Variants in SLC8A3 observed in about 807,000 individuals in gnomAD.
The protein encoded by SLC8A3 is sodium/calcium exchanger 3.
A neutral mutation model predicts 65.4 loss-of-function variants in SLC8A3; 37 were observed. The ratio of observed to expected loss-of-function variants is 0.57; its 90% CI spans 0.44 to 0.74. SLC8A3 has a LOEUF of 0.74. Among genes scored for constraint, SLC8A3 ranks in the 30% least tolerant of loss-of-function variants. The pLI, the probability that SLC8A3 is intolerant of heterozygous loss-of-function variation, is 0.00. For missense variants in SLC8A3, 1,112 were observed against 1,172.1 expected (o/e 0.95, Z 0.75); for synonymous variants, 461 against 444.5 (o/e 1.04, Z -0.47).
In SLC8A3 at chr14:70,046,390, A is replaced by G. The variant is rs1355264496; in HGVS notation, c.2390-67T>C. 6.7e-7 allele frequency: 1 copy of G among 1,496,548 alleles called. No homozygotes were observed. The highest frequency in any genetic ancestry group is 2.3e-5 in the East Asian group (1 of 43,848). 92.7% of individuals were successfully genotyped at this position (1,496,548 alleles called of 1,614,324 possible). On this transcript the variant is annotated intron_variant, in intron 6 of 6. Transcript: ENST00000356921. The surrounding 1 kb of genome is among the most constrained non-coding windows in gnomAD (Gnocchi z 4.2). ...AGGTGTGCAGGGCTTGTCTTCCAGT[A>G]TGCCCAAAAAGCAGCTTGAGCTGGT...
chr14:70,123,782 A>G (rs1341235180), intron 2 of SLC8A3, among the ~76,000 whole-genome samples: 1 of 152,178 alleles, frequency 6.6e-6, no homozygotes, highest in Non-Finnish European at 1.5e-5. Flanking sequence ...GAAATAAGAT[A>G]AAATATTTTA....
In SLC8A3 at chr14:70,166,806, A is replaced by G; in HGVS notation, c.1617T>C (p.Ile539=). ...AGIFTFECDT[I]HVSESIGVME... ...TAACACCAATACTCTCACTGACATG[A>G]ATAGTATCACATTCAAAAGTGAAGA... The change falls in exon 2 of 7, where the codon ATT becomes ATC. Residue 539 remains isoleucine (I), a synonymous_variant. Transcript: ENST00000356921. The G allele has an allele frequency of 1.2e-6, 2 of 1,614,142 alleles. No homozygotes were observed. The highest frequency in any genetic ancestry group is 1.3e-5 in the African/African-American group (1 of 75,048).
intron 2 of SLC8A3, among the ~76,000 whole-genome samples, chr14:70,096,087 G>T (rs1016378074): frequency 1.3e-5 from 2 of 152,140 alleles, no homozygotes; most frequent in African/African-American, 4.8e-5. Flanking sequence ...TCACCATGTT[G>T]GTCAGGCTGG....
chr14:70,167,325 G>C lies in SLC8A3; in HGVS notation c.1098C>G (p.Gly366=), dbSNP rs758059256. ...CTGCTGCATGTTTCTTCAGGATATTGCCTGCACCAGTCATCATACGAGTGG... is the reference window on the plus strand; with the variant it reads ...CTGCTGCATGTTTCTTCAGGATATTCCCTGCACCAGTCATCATACGAGTGG... The part of the protein sequence containing the change: ...IQATRMMTGA[G]NILKKHAAEQ... Residue 366 remains glycine (G), a synonymous_variant, in exon 2 of 7, where the codon GGC becomes GGG. Transcript: ENST00000356921. 1.2e-6 allele frequency: 2 copies of C among 1,614,174 alleles called. No individual in the cohort carries two copies. The highest frequency in any genetic ancestry group is 4.5e-5 in the East Asian group (2 of 44,878).
chr14:70,189,281 G>A (rs1594844653), upstream of SLC8A3, among the ~76,000 whole-genome samples: 1 of 152,170 alleles, frequency 6.6e-6, no homozygotes, highest in East Asian at 1.9e-4. Context: ...CCGGCCGGCA[G>A]CACGTCAAAA....
At chr14:70,162,320 A>G (rs1448304245) in intron 2 of SLC8A3, among the ~76,000 whole-genome samples, 1 of 152,142 alleles carries the variant, frequency 6.6e-6, no homozygotes. Flanking sequence ...GTCCTTTCCA[A>G]CTCTAACTTT....
intron 2 of SLC8A3, among the ~76,000 whole-genome samples, chr14:70,139,819 G>A (rs1463290073): frequency 6.6e-6 from 1 of 152,112 alleles, no homozygotes; most frequent in East Asian, 1.9e-4. Context: ...GTGACTGAGG[G>A]GCTATAGTGG....
At chr14:70,049,073 G>C in intron 5 of SLC8A3, 31 bp from the exon 6 acceptor site, 1 of 1,574,090 alleles carries the variant, frequency 6.4e-7, no homozygotes. Context: ...CAAGAGAACG[G>C]GTAACGAAGT....
intron 6 of SLC8A3, chr14:70,048,259 T>C (rs1339517399): frequency 4.4e-6 from 1 of 227,024 alleles, no homozygotes; most frequent in Non-Finnish European, 8.6e-6. Context: ...AGGCCAAGAA[T>C]GTATGTGGGC....
rs1490614057 is a variant in SLC8A3 at position 70,167,991 on chromosome 14, A to C, written c.432T>G (p.Ser144=). ...SNLTLMALGS[S]APEILLSLIE... is the part of the protein sequence containing the mutation. ...TTAAAGAGAGGAGTATCTCAGGAGC[A>C]GAGGAACCCAGGGCCATAAGGGTCA... Residue 144 remains serine (S), a synonymous_variant, in exon 2 of 7, where the codon TCT becomes TCG. Transcript: ENST00000356921. 6.2e-7 allele frequency: 1 copy of C among 1,614,210 alleles called. No homozygotes were observed. The highest frequency in any genetic ancestry group is 1.7e-5 in the Admixed American group (1 of 60,026).
At chr14:70,185,586 G>A (rs1883137287) in intron 1 of SLC8A3, among the ~76,000 whole-genome samples, 1 of 152,232 alleles carries the variant, frequency 6.6e-6, no homozygotes, top group Non-Finnish European at 1.5e-5. Context: ...CCAGGAAGCT[G>A]TAGGTGGCAG....
At chr14:70,086,401 C>CTTTTTTTTTTTTTTTTTTTTTT in intron 2 of SLC8A3, among the ~76,000 whole-genome samples, 1 of 116,148 alleles carries the variant, frequency 8.6e-6, no homozygotes, top group Non-Finnish European at 1.8e-5. Context: ...TTTCTTTTTT[C>CTTTTTTTTTTTTTTTTTTTTTT]TTTTTTTTTT....
intron 1 of SLC8A3, among the ~76,000 whole-genome samples, chr14:70,176,831 G>T (rs1257012962): frequency 6.6e-6 from 1 of 152,090 alleles, no homozygotes; most frequent in Non-Finnish European, 1.5e-5. Context: ...TCTTGTCTTT[G>T]TAGGAAAATG....
upstream of SLC8A3, among the ~76,000 whole-genome samples, chr14:70,189,227 C>T (rs1287961263): frequency 6.6e-6 from 1 of 152,090 alleles, no homozygotes; most frequent in Non-Finnish European, 1.5e-5. Flanking sequence ...ACCCCTGCCC[C>T]GCGGCCACCC....
chr14:70,186,365 A>G (rs1594835185), intron 1 of SLC8A3, among the ~76,000 whole-genome samples: 1 of 152,300 alleles, frequency 6.6e-6, no homozygotes, highest in Admixed American at 6.5e-5. Flanking sequence ...ACGGACTAAT[A>G]CAGGTGTATA....
chr14:70,156,475 G>A lies in SLC8A3; in HGVS notation c.1784+10164C>T, dbSNP rs149426308. ...CTTTTCTTCTCACATCTACAACTGAGCGCAGATACAGCCTCACAAGTCCTT... is the reference window on the plus strand; with the variant it reads ...CTTTTCTTCTCACATCTACAACTGAACGCAGATACAGCCTCACAAGTCCTT... On this transcript the variant is annotated intron_variant, in intron 2 of 6. Coordinates refer to ENST00000356921, the MANE Select transcript of SLC8A3 (RefSeq NM_182932.3). Among the ~76,000 whole-genome samples, 311 of 152,288 alleles carry A rather than the reference G, an allele frequency of 2.0e-3. 1 individual carries two copies. The highest frequency in any genetic ancestry group is 4.0e-3 in the Admixed American group (61 of 15,302).
At chr14:70,181,335 A>G (rs1328808443) in intron 1 of SLC8A3, among the ~76,000 whole-genome samples, 1 of 149,066 alleles carries the variant, frequency 6.7e-6, no homozygotes, top group Non-Finnish European at 1.5e-5. Context: ...CACCTGCTTC[A>G]TGGGTGAGGG....
chr14:70,159,077 T>G (rs554131056), intron 2 of SLC8A3, among the ~76,000 whole-genome samples: 105 of 152,326 alleles, frequency 6.9e-4, no homozygotes, highest in African/African-American at 2.2e-3. Context: ...TTTCTCAAAC[T>G]GGGTTCTGGA....
In SLC8A3 at chr14:70,167,479, T is replaced by A; in HGVS notation, c.944A>T (p.Glu315Val). 1 of 1,614,076 alleles carries A rather than the reference T, an allele frequency of 6.2e-7. No individual in the cohort carries two copies. The highest frequency in any genetic ancestry group is 1.1e-5 in the South Asian group (1 of 91,068). The change falls in exon 2 of 7, where the codon GAG (glutamate) becomes GTG (valine). Residue 315 changes from glutamate (E) to valine (V), a missense_variant. Physicochemically the swap from Glu to Val is moderately radical, Grantham distance 121. Transcript: ENST00000356921. ...EGKEVDESRREMIRILKDLKQ... is the reference protein window; with the variant it reads ...EGKEVDESRRVMIRILKDLKQ... ...CAGATCCTTGAGAATCCGGATCATC[T>A]CTCTGCGGGACTCATCCACTTCCTT...
Sources: allele counts gnomAD v4.1 joint callset (sites outside exome capture counted in the v4.1 genomes callset), GRCh38; gene constraint gnomAD v4.1.1; non-coding constraint Gnocchi (gnomAD v3.1); transcripts MANE v1.5; gene names NCBI Gene and HGNC (gene_info 2026-07-23, HGNC 2026-07-21).